MCF2L2: variants seen among roughly 807,000 people sequenced by gnomAD.
MCF2L2 encodes probable guanine nucleotide exchange factor MCF2L2.
Under a neutral mutation model 150.2 loss-of-function variants are expected in MCF2L2, and 102 were observed. The ratio of observed to expected loss-of-function variants is 0.68; its 90% CI spans 0.58 to 0.80. MCF2L2 has a LOEUF of 0.80. Among genes scored for constraint, MCF2L2 ranks in the 30% least tolerant of loss-of-function variants. The probability of loss-of-function intolerance (pLI) is 0.00; values close to 1 mark genes in which losing one functional copy is unlikely to be tolerated. For missense variants in MCF2L2, 1,256 were observed against 1,372.8 expected (o/e 0.91, Z 1.34); for synonymous variants, 465 against 491.3 (o/e 0.95, Z 0.71).
At chr3:183,365,051 C>A (rs1712445525) in intron 3 of MCF2L2, among the ~76,000 whole-genome samples, 1 of 151,986 alleles carries the variant, frequency 6.6e-6, no homozygotes, top group African/African-American at 2.4e-5. Flanking sequence ...AAAGACAGTA[C>A]AGAAAGTAAA....
chr3:183,302,269 A>C (rs1242111710), intron 10 of MCF2L2, among the ~76,000 whole-genome samples: 1 of 152,204 alleles, frequency 6.6e-6, no homozygotes, highest in Non-Finnish European at 1.5e-5. Context: ...TTAATAGATC[A>C]TAACTCTAAT....
chr3:183,352,464 A>G lies in MCF2L2; in HGVS notation c.276-10834T>C, dbSNP rs570549671. Among the ~76,000 whole-genome samples, 9 of 152,336 alleles carry G rather than the reference A, an allele frequency of 5.9e-5. No homozygotes were observed. In the South Asian group the frequency reaches 1.9e-3, roughly 32 times the overall value. On this transcript the variant is annotated intron_variant, in intron 3 of 29. Transcript: ENST00000328913. ...CTTGAACCCCAGAGGCAGAGGTTGC[A>G]GTGAGCTGGGATTGTGCCACTGCAC... is the stretch of plus-strand genomic sequence containing the variant.
chr3:183,315,496 G>T (rs1283426414), intron 7 of MCF2L2, among the ~76,000 whole-genome samples: 1 of 152,160 alleles, frequency 6.6e-6, no homozygotes, highest in Non-Finnish European at 1.5e-5. Flanking sequence ...TTACAGGTTG[G>T]ATAGGGGGTG....
intron 6 of MCF2L2, among the ~76,000 whole-genome samples, chr3:183,322,327 G>A (rs1013939768): frequency 7.9e-5 from 12 of 152,112 alleles, no homozygotes; most frequent in East Asian, 1.9e-4. Context: ...TCGTTAGTCC[G>A]GGGTTTCTCA....
At chr3:183,304,462 A>ATTTTTTT (rs36115279) in intron 10 of MCF2L2, among the ~76,000 whole-genome samples, 7 of 114,092 alleles carry the variant, frequency 6.1e-5, no homozygotes, top group African/African-American at 1.1e-4. Flanking sequence ...CTGGGCAGTG[A>ATTTTTTT]TTTTTTTTTT....
chr3:183,298,641 A>T (rs1728662655), intron 11 of MCF2L2: 1 of 151,826 alleles, frequency 6.6e-6, no homozygotes. Flanking sequence ...TGCTGTGAAA[A>T]CTTTCTCTTT....
chr3:183,377,633 A>T (rs893501479), intron 3 of MCF2L2: 3 of 152,356 alleles, frequency 2.0e-5, no homozygotes. Flanking sequence ...CCATAGACAA[A>T]TAACTTCCAT....
intron 23 of MCF2L2, 48 bp downstream of exon 23, chr3:183,207,560 C>A: frequency 7.0e-7 from 1 of 1,423,888 alleles, no homozygotes; most frequent in South Asian, 1.2e-5. Flanking sequence ...AACGATCTCT[C>A]TCTTTTCTGC....
chr3:183,272,934 TA>T, intron 15 of MCF2L2: 1 of 1,402,386 alleles, frequency 7.1e-7, no homozygotes, highest in South Asian at 1.6e-5. Flanking sequence ...TGTGTCCTTT[TA>T]ATTTTTGCTT....
At chr3:183,414,480 A>G (rs892914738) in intron 1 of MCF2L2, among the ~76,000 whole-genome samples, 1 of 152,086 alleles carries the variant, frequency 6.6e-6, no homozygotes, top group African/African-American at 2.4e-5. Flanking sequence ...GTTACTCTAT[A>G]GCTAAAGGTT....
intron 15 of MCF2L2, among the ~76,000 whole-genome samples, chr3:183,241,678 A>G (rs770607481): frequency 7.9e-5 from 12 of 152,176 alleles, no homozygotes; most frequent in Non-Finnish European, 1.5e-4. Flanking sequence ...CTATGTCTTT[A>G]TTAGGAGCAT....
intron 21 of MCF2L2, among the ~76,000 whole-genome samples, chr3:183,217,481 G>T (rs958534611): frequency 1.3e-5 from 2 of 151,160 alleles, no homozygotes; most frequent in African/African-American, 4.9e-5. Context: ...CACAAAAAAA[G>T]AAAAAAGAAA....
chr3:183,233,914 T>C (rs534000020), intron 15 of MCF2L2, among the ~76,000 whole-genome samples: 10 of 152,204 alleles, frequency 6.6e-5, no homozygotes, highest in Non-Finnish European at 1.0e-4. Flanking sequence ...TTATAATCAT[T>C]TTTGTGTCTA....
chr3:183,417,266 C>G (rs573657911), intron 1 of MCF2L2, among the ~76,000 whole-genome samples: 1 of 151,998 alleles, frequency 6.6e-6, no homozygotes, highest in Admixed American at 6.6e-5. Context: ...GGTACTGGAA[C>G]CAATCCCCCT....
chr3:183,297,272 G>A, intron 11 of MCF2L2, 105 bp from the exon 12 acceptor site: 9 of 970,452 alleles, frequency 9.3e-6, no homozygotes, highest in Non-Finnish European at 1.1e-5. Context: ...AGGATTCCCA[G>A]ACAATGGGAA....
At chr3:183,297,335 T>C (rs1728568963) in intron 11 of MCF2L2, 168 bp from the exon 12 acceptor site, 1 of 614,342 alleles carries the variant, frequency 1.6e-6, no homozygotes, top group Admixed American at 3.1e-5. Flanking sequence ...TAAATTACAC[T>C]ATGAGGGGGA....
chr3:183,202,302 G>A (rs1560338557), intron 25 of MCF2L2, among the ~76,000 whole-genome samples: 1 of 152,148 alleles, frequency 6.6e-6, no homozygotes, highest in Non-Finnish European at 1.5e-5. Context: ...GTTGCTCGAG[G>A]TATTGGCTAA....
intron 15 of MCF2L2, chr3:183,253,841 G>C (rs1724745305): frequency 6.6e-6 from 1 of 152,314 alleles, no homozygotes; most frequent in Non-Finnish European, 1.5e-5. Context: ...CAGTTACGTG[G>C]TGAAAACACG....
At chr3:183,307,809 C>T (rs538636143) in intron 10 of MCF2L2, among the ~76,000 whole-genome samples, 1 of 152,378 alleles carries the variant, frequency 6.6e-6, no homozygotes, top group South Asian at 2.1e-4. Context: ...CAGGGTGCAA[C>T]AGGACTACCT....
Sources: allele counts gnomAD v4.1 joint callset (sites outside exome capture counted in the v4.1 genomes callset), GRCh38; gene constraint gnomAD v4.1.1; transcripts MANE v1.5; gene names NCBI Gene and HGNC (gene_info 2026-07-23, HGNC 2026-07-21).